Variants in EYS observed in about 807,000 individuals in gnomAD.
EYS encodes EGF-like photoreceptor maintenance factor, also known as protein eyes shut homolog.
EYS carries 250 observed loss-of-function variants against 282.1 expected under a neutral mutation model. The ratio of observed to expected loss-of-function variants is 0.89; its 90% CI spans 0.80 to 0.98. EYS has a LOEUF of 0.98. EYS is among the 50% of genes least tolerant of loss of function. EYS has a pLI of 0.00. For synonymous variants in EYS, 1,355 were observed against 1,282.9 expected (o/e 1.06, Z -1.20); for missense variants, 4,016 against 3,709.0 (o/e 1.08, Z -2.15).
chr6:65,215,649 C>T (rs988021679), intron 12 of EYS, among the ~76,000 whole-genome samples: 3 of 152,152 alleles, frequency 2.0e-5, no homozygotes, highest in African/African-American at 2.4e-5. Flanking sequence ...GTGGGTAAAA[C>T]GCTGTCAAAC....
At chr6:65,660,845 A>T (rs1767980332) in intron 1 of EYS, among the ~76,000 whole-genome samples, 1 of 151,754 alleles carries the variant, frequency 6.6e-6, no homozygotes, top group Non-Finnish European at 1.5e-5. Flanking sequence ...GCACCTCAGG[A>T]CTCATAGTGT....
At chr6:65,503,769 T>A (rs1766548071) in intron 2 of EYS, among the ~76,000 whole-genome samples, 2 of 151,690 alleles carry the variant, frequency 1.3e-5, no homozygotes, top group Admixed American at 1.3e-4. Context: ...TTGACTACAT[T>A]TGTGTGGGTC....
chr6:63,734,430 A>C (rs1255917550), intron 41 of EYS, among the ~76,000 whole-genome samples: 1 of 152,144 alleles, frequency 6.6e-6, no homozygotes, highest in Non-Finnish European at 1.5e-5. Flanking sequence ...ATCTGATGGA[A>C]GTTAAACAAT....
At chr6:65,559,074 A>G (rs1768929683) in intron 2 of EYS, among the ~76,000 whole-genome samples, 1 of 152,234 alleles carries the variant, frequency 6.6e-6, no homozygotes, top group Non-Finnish European at 1.5e-5. Context: ...TAAGGAAAAT[A>G]AATAAAAGCA....
chr6:63,943,065 A>C (rs984711625), intron 35 of EYS, among the ~76,000 whole-genome samples: 3 of 152,242 alleles, frequency 2.0e-5, no homozygotes, highest in African/African-American at 7.2e-5. Flanking sequence ...GTTTCTGGTC[A>C]ACAGTAAGCT....
Position 64,067,231 on chromosome 6 carries a change from C to A in EYS, c.6572-740G>T, listed in dbSNP as rs1467330245. Among the ~76,000 whole-genome samples, 5 of 152,232 alleles carry A rather than the reference C, an allele frequency of 3.3e-5. No individual in the cohort carries two copies. In the East Asian group the frequency reaches 9.6e-4, roughly 29 times the overall value. On this transcript the variant is annotated intron_variant, in intron 32 of 42. Coordinates refer to ENST00000503581, the MANE Select transcript of EYS (RefSeq NM_001142800.2). The stretch of plus-strand genomic sequence containing the variant: ...GAAGCCCATGGATCTCTCTTTTTAA[C>A]TTTCCTAATTGAAGTATAACTTGTA...
chr6:64,205,860 G>T (rs13218745), intron 31 of EYS, among the ~76,000 whole-genome samples: 2,371 of 150,202 alleles, frequency 0.016, 22 homozygotes, highest in Middle Eastern at 0.031. Context: ...TATATATAGA[G>T]AGAGAGAGAG....
At chr6:65,456,350 T>G (rs1473081551) in intron 5 of EYS, among the ~76,000 whole-genome samples, 1 of 151,492 alleles carries the variant, frequency 6.6e-6, no homozygotes, top group Non-Finnish European at 1.5e-5. Context: ...CTCAGGAGGC[T>G]GAGGCGGGAG....
At chr6:64,106,334 T>A (rs1235012213) in intron 31 of EYS, among the ~76,000 whole-genome samples, 5 of 151,466 alleles carry the variant, frequency 3.3e-5, no homozygotes, top group African/African-American at 1.2e-4. Context: ...TCAATTTTTG[T>A]TTGCCTGAAA....
intron 22 of EYS, among the ~76,000 whole-genome samples, chr6:64,709,033 C>T (rs959941641): frequency 6.6e-6 from 1 of 152,060 alleles, no homozygotes; most frequent in Admixed American, 6.6e-5. Flanking sequence ...CACACACACA[C>T]ACACAGCAGT....
chr6:64,183,185 C>G (rs1009673126), intron 31 of EYS, among the ~76,000 whole-genome samples: 1 of 152,140 alleles, frequency 6.6e-6, no homozygotes, highest in Non-Finnish European at 1.5e-5. Flanking sequence ...GCTTCCCCTT[C>G]CACTATGATT....
chr6:63,900,147 A>G (rs1773624710), intron 35 of EYS, among the ~76,000 whole-genome samples: 2 of 152,264 alleles, frequency 1.3e-5, no homozygotes, highest in South Asian at 4.1e-4. Flanking sequence ...TAGCATGGCT[A>G]TTAAAAAACA....
At chr6:64,611,703 G>A (rs1276715040) in intron 24 of EYS, among the ~76,000 whole-genome samples, 3 of 152,080 alleles carry the variant, frequency 2.0e-5, no homozygotes, top group Non-Finnish European at 4.4e-5. Context: ...GAGGATGTGA[G>A]CCTGTACTCT....
intron 36 of EYS, among the ~76,000 whole-genome samples, chr6:63,849,395 G>A (rs1450112908): frequency 6.6e-6 from 1 of 152,192 alleles, no homozygotes; most frequent in African/African-American, 2.4e-5. Flanking sequence ...CTGACTGGGA[G>A]ATACCTCCCA....
At chr6:64,688,664 T>A (rs920230790) in intron 22 of EYS, among the ~76,000 whole-genome samples, 5 of 152,140 alleles carry the variant, frequency 3.3e-5, no homozygotes, top group Non-Finnish European at 7.4e-5. Flanking sequence ...AATTTTAGAG[T>A]AAGTGCAGTG....
At chr6:64,547,267 A>G (rs976191359) in intron 26 of EYS, among the ~76,000 whole-genome samples, 13 of 152,070 alleles carry the variant, frequency 8.5e-5, no homozygotes, top group Non-Finnish European at 1.5e-4. Flanking sequence ...GACTGCTTTT[A>G]TTCTCTTATC....
At chr6:64,654,074 C>T (rs1463272668) in intron 22 of EYS, among the ~76,000 whole-genome samples, 1 of 151,888 alleles carries the variant, frequency 6.6e-6, no homozygotes, top group Non-Finnish European at 1.5e-5. Context: ...TCATATTTAC[C>T]TTAAGATGTT....
chr6:63,842,586 T>C lies in EYS; in HGVS notation c.7228+21600A>G, dbSNP rs1771990275. Among the ~76,000 whole-genome samples, 2 of 152,216 alleles carry C rather than the reference T, an allele frequency of 1.3e-5. 1 individual carries two copies. Among genetic ancestry groups the C allele is most frequent in the South Asian group, 4.1e-4 (2 of 4,830 alleles). On this transcript the variant is annotated intron_variant, in intron 36 of 42. Coordinates refer to ENST00000503581, the MANE Select transcript of EYS (RefSeq NM_001142800.2). ...TGTTCACTCTGTTGATAGTTTCTTT[T>C]GCTGTGGAGAAGCTCTTTCGTTTAA... is the stretch of plus-strand genomic sequence containing the variant.
intron 24 of EYS, among the ~76,000 whole-genome samples, chr6:64,604,969 T>G (rs1766877705): frequency 6.6e-6 from 1 of 152,066 alleles, no homozygotes; most frequent in African/African-American, 2.4e-5. Flanking sequence ...ATCAAACATA[T>G]GCCAGAGTTA....
Sources: gnomAD v4.1 joint callset for allele counts (sites outside exome capture counted in the v4.1 genomes callset) on GRCh38, gnomAD v4.1.1 for gene constraint, MANE v1.5 for transcripts, NCBI Gene and HGNC (gene_info 2026-07-23, HGNC 2026-07-21) for gene names.